NUP153: variants seen among roughly 807,000 people sequenced by gnomAD.
NUP153 encodes the protein nucleoporin 153.
Under a neutral mutation model 134.6 loss-of-function variants are expected in NUP153, and 27 were observed. The observed-to-expected ratio is 0.20, with a 90% CI of 0.15 to 0.28. The LOEUF (loss-of-function observed/expected upper bound fraction) is 0.28, where lower values mean the gene tolerates loss of function less well. Among genes scored for constraint, NUP153 ranks in the 10% least tolerant of loss-of-function variants. The pLI is 1.00. For missense variants in NUP153, 1,821 were observed against 1,731.3 expected (o/e 1.05, Z -0.92); for synonymous variants, 640 against 623.5 (o/e 1.03, Z -0.40).
chr6:17,692,538 G>A (rs1561909638), intron 1 of NUP153, among the ~76,000 whole-genome samples: 1 of 152,066 alleles, frequency 6.6e-6, no homozygotes, highest in Admixed American at 6.6e-5. Context: ...AAGAAAGGAG[G>A]GAGGATGGGA....
chr6:17,677,155 C>A (rs113876976), intron 2 of NUP153, among the ~76,000 whole-genome samples: 2 of 152,146 alleles, frequency 1.3e-5, no homozygotes. Flanking sequence ...GGAGACAGAG[C>A]TTGGAGGCTA....
chr6:17,687,475 A>G (rs1769002216), intron 2 of NUP153, among the ~76,000 whole-genome samples: 2 of 152,218 alleles, frequency 1.3e-5, no homozygotes, highest in African/African-American at 4.8e-5. Context: ...AACTTAAGTT[A>G]CTCTAATAAA....
chr6:17,641,545 AAAACAAAC>A (rs371438976), intron 14 of NUP153, among the ~76,000 whole-genome samples: 2 of 151,720 alleles, frequency 1.3e-5, no homozygotes, highest in African/African-American at 2.4e-5. Flanking sequence ...AAAACAAAAC[AAAACAAAC>A]AAACAAACAA....
At chr6:17,690,270 T>TGAACCCGGGGGGCGTAGCTTGCAGTGA (rs1769195097) in intron 1 of NUP153, among the ~76,000 whole-genome samples, 1 of 151,404 alleles carries the variant, frequency 6.6e-6, no homozygotes, top group Non-Finnish European at 1.5e-5. Flanking sequence ...GAGAATGGCG[T>TGAACCCGGGGGGCGTAGCTTGCAGTGA]GAACCCGGGT....
intron 1 of NUP153, among the ~76,000 whole-genome samples, chr6:17,696,340 G>A (rs1300405019): frequency 6.6e-6 from 1 of 152,184 alleles, no homozygotes; most frequent in Non-Finnish European, 1.5e-5. Context: ...ACCAAGGAAG[G>A]CCCAATGTAA....
In NUP153 at chr6:17,644,260, C is replaced by T. The variant is rs191899700; in HGVS notation, c.1720+1807G>A. Reference sequence around the variant, plus strand: ...AGAAGATCATTGAAGAAACGCTTTTCGATAAGGTAATATCTCCCAACTCAT... The same window carrying T: ...AGAAGATCATTGAAGAAACGCTTTTTGATAAGGTAATATCTCCCAACTCAT... On this transcript the variant is annotated intron_variant, in intron 14 of 21. Coordinates refer to ENST00000262077, the MANE Select transcript of NUP153 (RefSeq NM_005124.4). 1.0e-2 allele frequency among the ~76,000 whole-genome samples: 1,515 copies of T among 152,196 alleles called. 14 individuals are homozygous for T. The highest frequency in any genetic ancestry group is 0.014 in the Admixed American group (213 of 15,282).
intron 1 of NUP153, among the ~76,000 whole-genome samples, chr6:17,702,095 G>T (rs1770152019): frequency 6.6e-6 from 1 of 152,072 alleles, no homozygotes; most frequent in Non-Finnish European, 1.5e-5. Context: ...CAAGCAGCCT[G>T]ACCTCTCCAA....
In NUP153 at chr6:17,629,047, C is replaced by T. The variant is rs748826392; in HGVS notation, c.3152G>A (p.Gly1051Glu). ...TSENKSSFNL[G>E]TIETKSASVA... ...TGAAGCACTCTTGGTTTCTATGGTT[C>T]CAAGGTTGAAGCTGCTCTTGTTCTC... is the stretch of plus-strand genomic sequence containing the variant. The change falls in exon 18 of 22, where the codon GGA becomes GAA. Residue 1051 changes from glycine (G) to glutamate (E), a missense_variant. Physicochemically the swap from Gly to Glu is moderately conservative, Grantham distance 98. Transcript: ENST00000262077. The T allele has an allele frequency of 6.2e-7, 1 of 1,614,014 alleles. No homozygotes were observed. The highest frequency in any genetic ancestry group is 2.2e-5 in the East Asian group (1 of 44,890).
At chr6:17,616,800 AG>A (rs2113755759) in intron 20 of NUP153, 105 bp from the exon 21 acceptor site, 2 of 1,080,402 alleles carry the variant, frequency 1.9e-6, no homozygotes, top group African/African-American at 3.2e-5. Flanking sequence ...CCCAGGCTGG[AG>A]TACAGTGGCA....
intron 2 of NUP153, among the ~76,000 whole-genome samples, chr6:17,677,769 G>A (rs985383285): frequency 2.3e-5 from 3 of 130,578 alleles, no homozygotes; most frequent in Non-Finnish European, 3.1e-5. Context: ...TCACTCTGTC[G>A]CCCAGGCTAG....
intron 21 of NUP153, among the ~76,000 whole-genome samples, 167 bp from the exon 22 acceptor site, chr6:17,616,348 AT>A (rs1270769416): frequency 2.6e-5 from 4 of 152,126 alleles, no homozygotes; most frequent in Admixed American, 6.6e-5. Flanking sequence ...CGCTACTGTT[AT>A]TTTTTTCTCA....
chr6:17,693,884 C>T (rs1345504746), intron 1 of NUP153, among the ~76,000 whole-genome samples: 2 of 152,172 alleles, frequency 1.3e-5, no homozygotes, highest in Non-Finnish European at 2.9e-5. Flanking sequence ...TCCCAAAGTG[C>T]ACCACCACCG....
intron 8 of NUP153, 109 bp from the exon 9 acceptor site, chr6:17,665,494 A>G: frequency 1.3e-6 from 1 of 787,816 alleles, no homozygotes; most frequent in Non-Finnish European, 2.0e-6. Context: ...TATTTCCCAG[A>G]GAAATATACA....
intron 5 of NUP153, among the ~76,000 whole-genome samples, chr6:17,670,640 A>AT: frequency 6.6e-6 from 1 of 152,226 alleles, no homozygotes; most frequent in South Asian, 2.1e-4. Context: ...TTGCCAGATG[A>AT]TTTTTTTGTA....
chr6:17,625,640 A>T lies in NUP153; in HGVS notation c.3901+168T>A, dbSNP rs1421841405. ...AAATATGTTAAAGTTGAACACAGAG[A>T]GTGTACATTATTCCATACAGTGAAT... On this transcript the variant is annotated intron_variant, in intron 19 of 21. Coordinates refer to ENST00000262077, the MANE Select transcript of NUP153 (RefSeq NM_005124.4). This position sits in a 1 kb window ranked among gnomAD's most constrained non-coding sequence, Gnocchi z 4.7. Among the ~76,000 whole-genome samples the T allele has an allele frequency of 6.6e-6, 1 of 152,266 alleles. No homozygotes were observed. The highest frequency in any genetic ancestry group is 1.5e-5 in the Non-Finnish European group (1 of 68,050).
chr6:17,642,288 A>G (rs1465312799), intron 14 of NUP153, among the ~76,000 whole-genome samples: 1 of 152,210 alleles, frequency 6.6e-6, no homozygotes, highest in Admixed American at 6.5e-5. Context: ...TGAAAAGACA[A>G]TCTATAAATG....
chr6:17,647,060 A>G (rs567075796), intron 13 of NUP153, among the ~76,000 whole-genome samples: 11 of 151,952 alleles, frequency 7.2e-5, no homozygotes, highest in South Asian at 2.1e-4. Flanking sequence ...CCCGGCCTCA[A>G]ATGCCATTTT....
intron 1 of NUP153, among the ~76,000 whole-genome samples, chr6:17,690,276 C>CGGGTGGCGTAGCTTGCAGTGAGAACCT (rs1561907896): frequency 1.3e-5 from 2 of 151,968 alleles, no homozygotes; most frequent in Non-Finnish European, 2.9e-5. Flanking sequence ...GGCGTGAACC[C>CGGGTGGCGTAGCTTGCAGTGAGAACCT]GGGTGGCGTA....
chr6:17,671,793 A>G (rs553020075), intron 5 of NUP153, among the ~76,000 whole-genome samples: 1 of 152,258 alleles, frequency 6.6e-6, no homozygotes, highest in East Asian at 1.9e-4. Context: ...GGATCACCTG[A>G]GGTCAGGAGT....
Sources: gnomAD v4.1 joint callset for allele counts (sites outside exome capture counted in the v4.1 genomes callset) on GRCh38, gnomAD v4.1.1 for gene constraint, Gnocchi (gnomAD v3.1) non-coding constraint, MANE v1.5 for transcripts, NCBI Gene and HGNC (gene_info 2026-07-23, HGNC 2026-07-21) for gene names.